UIMC1: variants seen among roughly 807,000 people sequenced by gnomAD.
UIMC1 encodes the protein ubiquitin interaction motif containing 1, also known as BRCA1-A complex subunit RAP80.
UIMC1 carries 42 observed loss-of-function variants against 84.9 expected under a neutral mutation model. That is an observed-to-expected ratio of 0.49 (90% CI 0.39 to 0.64). UIMC1 has a LOEUF of 0.64. UIMC1 is among the 30% of genes least tolerant of loss of function. UIMC1 has a pLI of 0.00. For synonymous variants in UIMC1, 281 were observed against 293.0 expected (o/e 0.96, Z 0.42); for missense variants, 825 against 847.6 (o/e 0.97, Z 0.33).
chr5:176,984,456 G>A (rs1222357393), intron 1 of UIMC1, among the ~76,000 whole-genome samples: 28 of 142,970 alleles, frequency 2.0e-4, no homozygotes, highest in Middle Eastern at 4.0e-3. Context: ...GCTGCCTATC[G>A]TCTGGGATGT....
chr5:176,961,338 TGAG>T (rs1175625446), intron 6 of UIMC1, among the ~76,000 whole-genome samples: 1 of 17,418 alleles, frequency 5.7e-5, no homozygotes, highest in Admixed American at 3.4e-4. Flanking sequence ...GTCTGGGAGG[TGAG>T]GAGCGTCTCT....
chr5:177,020,683 G>A (rs1487180246), intron 1 of UIMC1, among the ~76,000 whole-genome samples: 1 of 152,030 alleles, frequency 6.6e-6, no homozygotes, highest in African/African-American at 2.4e-5. Flanking sequence ...CACCTGCCTC[G>A]GCCTCCCAAA....
chr5:177,015,471 C>T (rs570745915), intron 1 of UIMC1, among the ~76,000 whole-genome samples: 247 of 152,324 alleles, frequency 1.6e-3, no homozygotes, highest in African/African-American at 5.7e-3. Flanking sequence ...ACATACATCC[C>T]TCCAGCTCCA....
In UIMC1 at chr5:176,953,186, A is replaced by G. The variant is rs557586972; in HGVS notation, c.1340-1609T>C. 3.1e-4 allele frequency among the ~76,000 whole-genome samples: 47 copies of G among 152,240 alleles called. 1 individual carries two copies. In the Middle Eastern group the frequency reaches 0.01, roughly 33 times the overall value. On this transcript the variant is annotated intron_variant, in intron 8 of 14. Transcript: ENST00000511320. ...TTGATCTTGGACTCTCCAGCCCCCA[A>G]AACTGTGAGAAATAAATTTATGTTG...
chr5:177,017,982 CAT>C (rs1038284922), intron 1 of UIMC1, among the ~76,000 whole-genome samples: 1 of 151,852 alleles, frequency 6.6e-6, no homozygotes, highest in Non-Finnish European at 1.5e-5. Context: ...GCAGTTAAAA[CAT>C]ACTCTCTGAT....
intron 10 of UIMC1, among the ~76,000 whole-genome samples, chr5:176,927,244 A>G (rs1215478201): frequency 6.7e-6 from 1 of 150,160 alleles, no homozygotes; most frequent in East Asian, 1.9e-4. Flanking sequence ...AGTGTGTCAC[A>G]GACCCATGAA....
chr5:176,944,951 C>T (rs1168013622), intron 9 of UIMC1, among the ~76,000 whole-genome samples: 1 of 152,192 alleles, frequency 6.6e-6, no homozygotes, highest in Non-Finnish European at 1.5e-5. Context: ...ACAGAAGTAT[C>T]ACTAGTTCTG....
chr5:176,966,857 G>T (rs1199084844), intron 6 of UIMC1, among the ~76,000 whole-genome samples: 1 of 152,060 alleles, frequency 6.6e-6, no homozygotes, highest in Non-Finnish European at 1.5e-5. Flanking sequence ...CAAACCAATA[G>T]ATTATCAAAA....
chr5:176,950,243 A>T (rs2149452832), intron 9 of UIMC1, among the ~76,000 whole-genome samples: 1 of 150,780 alleles, frequency 6.6e-6, no homozygotes, highest in Non-Finnish European at 1.5e-5. Flanking sequence ...GAGACTACAG[A>T]TGCGCACCAC....
intron 10 of UIMC1, among the ~76,000 whole-genome samples, chr5:176,926,270 T>C (rs768540465): frequency 3.3e-5 from 5 of 151,980 alleles, no homozygotes; most frequent in Admixed American, 3.3e-4. Context: ...TACTAGATAA[T>C]AGTATTGGCA....
intron 2 of UIMC1, among the ~76,000 whole-genome samples, chr5:176,981,100 G>C (rs1770966644): frequency 6.6e-6 from 1 of 150,538 alleles, no homozygotes; most frequent in Non-Finnish European, 1.5e-5. Flanking sequence ...GTAGATAAAA[G>C]TCCTAATTAA....
intron 10 of UIMC1, among the ~76,000 whole-genome samples, chr5:176,917,969 TA>T (rs924970035): frequency 1.3e-5 from 2 of 151,926 alleles, no homozygotes; most frequent in Admixed American, 6.6e-5. Flanking sequence ...CAAAAAATAA[TA>T]AAAAAAATTG....
intron 10 of UIMC1, among the ~76,000 whole-genome samples, chr5:176,936,062 TTTC>T (rs1763685393): frequency 6.6e-6 from 1 of 152,232 alleles, no homozygotes; most frequent in African/African-American, 2.4e-5. Context: ...ATGCTTTGCC[TTTC>T]TTCTTTTCCT....
In UIMC1 at chr5:176,968,745, C is replaced by A; in HGVS notation, c.1010G>T (p.Gly337Val). ...TTTCTCACTAGCCTGCTCTCCTTGGCCACATTCATTCTGGATCAGAGAAGG... is the reference window on the plus strand; with the variant it reads ...TTTCTCACTAGCCTGCTCTCCTTGGACACATTCATTCTGGATCAGAGAAGG... ...RPPSLIQNEC[G>V]QGEQASEKNE... Residue 337 changes from glycine to valine, a missense_variant, in exon 6 of 15, where the codon GGC (glycine) becomes GTC (valine). By Grantham distance (109) the Gly-to-Val change is moderately radical (BLOSUM62 -3). Coordinates refer to ENST00000511320, the MANE Select transcript of UIMC1 (RefSeq NM_001199298.2). The A allele has an allele frequency of 6.2e-7, 1 of 1,614,154 alleles. No individual in the cohort carries two copies. Among genetic ancestry groups the A allele is most frequent in the South Asian group, 1.1e-5 (1 of 91,088 alleles).
chr5:176,997,535 A>T (rs1187732837), intron 1 of UIMC1, among the ~76,000 whole-genome samples: 1 of 152,020 alleles, frequency 6.6e-6, no homozygotes, highest in Non-Finnish European at 1.5e-5. Flanking sequence ...TTACAAAAAA[A>T]TTAGCCGGGC....
At chr5:176,934,719 T>C (rs2149429879) in intron 10 of UIMC1, among the ~76,000 whole-genome samples, 1 of 152,350 alleles carries the variant, frequency 6.6e-6, no homozygotes, top group Non-Finnish European at 1.5e-5. Flanking sequence ...ACCCATCTAC[T>C]TGGTTACAGT....
At chr5:176,962,013 G>A (rs1357066688) in intron 6 of UIMC1, among the ~76,000 whole-genome samples, 1,066 of 46,788 alleles carry the variant, frequency 0.023, no homozygotes, top group Admixed American at 0.037. Flanking sequence ...CCCCCTGCCC[G>A]GCCAGCCGCC....
intron 2 of UIMC1, among the ~76,000 whole-genome samples, chr5:176,977,241 A>AAAAAAAAAAAG (rs758737146): frequency 6.8e-6 from 1 of 147,066 alleles, no homozygotes; most frequent in Non-Finnish European, 1.5e-5. Flanking sequence ...AAAAAAAAAA[A>AAAAAAAAAAAG]GAGAGAGAGA....
At chr5:176,952,895 T>C (rs559312338) in intron 8 of UIMC1, among the ~76,000 whole-genome samples, 3 of 152,224 alleles carry the variant, frequency 2.0e-5, no homozygotes, top group Admixed American at 6.5e-5. Context: ...AAACCACCAA[T>C]GTATCTGGAA....
Sources: allele counts gnomAD v4.1 joint callset (sites outside exome capture counted in the v4.1 genomes callset), GRCh38; gene constraint gnomAD v4.1.1; transcripts MANE v1.5; gene names NCBI Gene and HGNC (gene_info 2026-07-23, HGNC 2026-07-21).